The following EVL variants were observed in gnomAD, a reference collection of about 807,000 sequenced individuals.
The protein encoded by EVL is ena/VASP-like protein.
A neutral mutation model predicts 59.6 loss-of-function variants in EVL; 21 were observed. The observed-to-expected ratio is 0.35, with a 90% confidence interval of 0.25 to 0.51. The LOEUF is 0.51. EVL is among the 20% of genes least tolerant of loss of function. The pLI, the probability that EVL is intolerant of heterozygous loss-of-function variation, is 0.97. For missense variants in EVL, 462 were observed against 546.6 expected (o/e 0.85, Z 1.54); for synonymous variants, 198 against 203.5 (o/e 0.97, Z 0.23).
In EVL at chr14:100,128,680, C is replaced by T. The variant is rs1379050405; in HGVS notation, c.649C>T (p.His217Tyr). The change falls in exon 6 of 14, where the codon CAC becomes TAC. Residue 217 changes from histidine to tyrosine, a missense_variant. Coordinates refer to ENST00000392920, the MANE Select transcript of EVL (RefSeq NM_016337.3). ...LPAGGAQGSS[H>Y]DESSMSGLAA... The stretch of plus-strand genomic sequence containing the variant: ...AGCCGGAGGAGCCCAGGGGTCCAGC[C>T]ACGACGAGAGCTCCATGTCAGGACT... 6.2e-7 allele frequency: 1 copy of T among 1,606,532 alleles called. No individual in the cohort carries two copies. The highest frequency in any genetic ancestry group is 8.5e-7 in the Non-Finnish European group (1 of 1,178,198).
At chr14:100,028,307 T>C (rs1417334464) in intron 1 of EVL, among the ~76,000 whole-genome samples, 2 of 152,178 alleles carry the variant, frequency 1.3e-5, no homozygotes, top group African/African-American at 4.8e-5. Context: ...GTTGTGGTTT[T>C]GATTTGCCTT....
chr14:100,103,241 G>T (rs1886345933), intron 3 of EVL, among the ~76,000 whole-genome samples: 1 of 151,258 alleles, frequency 6.6e-6, no homozygotes, highest in African/African-American at 2.4e-5. Flanking sequence ...GAGCACACAG[G>T]GAGCTTTCAG....
At position 100,127,376 on chromosome 14, in the gene EVL, C is replaced by T. The variant is rs2140376867; in HGVS notation, c.487+605C>T. 6.6e-6 allele frequency among the ~76,000 whole-genome samples: 1 copy of T among 152,328 alleles called. No individual in the cohort carries two copies. The highest frequency in any genetic ancestry group is 1.9e-4 in the East Asian group (1 of 5,184). Reference sequence around the variant, plus strand: ...GTCTTGTTTAATTTTCTCAAACACCCTATGAAGTGAGCAGGTGACTATTAT... The same window carrying T: ...GTCTTGTTTAATTTTCTCAAACACCTTATGAAGTGAGCAGGTGACTATTAT... On this transcript the variant is annotated intron_variant, in intron 5 of 13. Transcript: ENST00000392920. The surrounding 1 kb of genome is among the most constrained non-coding windows in gnomAD (Gnocchi z 4.2).
chr14:100,028,821 ATTC>A (rs1296495182), intron 1 of EVL, among the ~76,000 whole-genome samples: 2 of 152,178 alleles, frequency 1.3e-5, no homozygotes, highest in African/African-American at 2.4e-5. Flanking sequence ...AAAAAAATCT[ATTC>A]TTCATTATTA....
At position 100,084,640 on chromosome 14, in the gene EVL, C is replaced by G. The variant is rs79116924; in HGVS notation, c.12-47C>G. On this transcript the variant is annotated intron_variant, in intron 1 of 13. Coordinates refer to ENST00000392920, the MANE Select transcript of EVL (RefSeq NM_016337.3). ...TTTCAGAAAAGGGCAAAGTCAACTT[C>G]CATCCACTGTAGCTGAGGCTGACAC... The G allele has an allele frequency of 7.5e-6, 12 of 1,597,144 alleles. No homozygotes were observed. In the East Asian group the frequency reaches 1.3e-4, roughly 18 times the overall value.
chr14:100,017,810 G>C (rs1432068551), intron 1 of EVL, among the ~76,000 whole-genome samples: 1 of 152,214 alleles, frequency 6.6e-6, no homozygotes, highest in Non-Finnish European at 1.5e-5. Context: ...TGTGTGGTTT[G>C]GGGGACCACA....
At chr14:100,131,314 C>G (rs1453544035) in intron 7 of EVL, among the ~76,000 whole-genome samples, 4 of 152,218 alleles carry the variant, frequency 2.6e-5, no homozygotes, top group African/African-American at 9.7e-5. Context: ...ATGCCAGATG[C>G]CGGTGGGAGA....
chr14:100,128,685 C>G lies in EVL; in HGVS notation c.654C>G (p.Asp218Glu), dbSNP rs779023969. 2 of 1,606,500 alleles carry G rather than the reference C, an allele frequency of 1.2e-6. No homozygotes were observed. The highest frequency in any genetic ancestry group is 1.1e-5 in the South Asian group (1 of 90,330). ...PAGGAQGSSH[D>E]ESSMSGLAAA... ...GAGGAGCCCAGGGGTCCAGCCACGA[C>G]GAGAGCTCCATGTCAGGACTGGCCG... Residue 218 changes from aspartate (D) to glutamate (E), a missense_variant, in exon 6 of 14, where the codon GAC (aspartate) becomes GAG (glutamate). Transcript: ENST00000392920.
rs774740748 is a variant in EVL at position 100,014,696 on chromosome 14, G to A, written c.5+42639G>A. Among the ~76,000 whole-genome samples, 16 of 152,196 alleles carry A rather than the reference G, an allele frequency of 1.1e-4. No homozygotes were observed. In the East Asian group the frequency reaches 2.5e-3, roughly 24 times the overall value. ...TGAACACTTTAGTTTTAGTTTTTGAGTTGTGGGTTTTTTAACTGGCAATTG... is the reference window on the plus strand; with the variant it reads ...TGAACACTTTAGTTTTAGTTTTTGAATTGTGGGTTTTTTAACTGGCAATTG... On this transcript the variant is annotated intron_variant, in intron 1 of 13. Coordinates refer to the EVL transcript ENST00000402714.
In EVL at chr14:100,125,800, C is replaced by T. The variant is rs1013874442; in HGVS notation, c.423-907C>T. Among the ~76,000 whole-genome samples the T allele has an allele frequency of 5.3e-5, 8 of 152,092 alleles. No individual in the cohort carries two copies. In the South Asian group the frequency reaches 8.3e-4, roughly 16 times the overall value. ...CAAACTCCTGGCCTCGTCATCCGCC[C>T]GCCTCACCCTCCCAAAGTGCTGTGA... On this transcript the variant is annotated intron_variant, in intron 4 of 13. Transcript: ENST00000392920.
chr14:100,025,384 C>T (rs2061193095), intron 1 of EVL, among the ~76,000 whole-genome samples: 1 of 152,192 alleles, frequency 6.6e-6, no homozygotes, highest in Non-Finnish European at 1.5e-5. Flanking sequence ...ACAGTCTCTG[C>T]CTGGATTGCT....
At chr14:100,021,123 C>T (rs1430115526) in intron 1 of EVL, among the ~76,000 whole-genome samples, 5 of 152,146 alleles carry the variant, frequency 3.3e-5, no homozygotes, top group East Asian at 1.9e-4. Context: ...GCGTAGTTCA[C>T]GTTTTATTGT....
At position 100,127,435 on chromosome 14, in the gene EVL, G is replaced by C. The variant is rs1888146192; in HGVS notation, c.487+664G>C. On this transcript the variant is annotated intron_variant, in intron 5 of 13. Transcript: ENST00000392920. This position sits in a 1 kb window ranked among gnomAD's most constrained non-coding sequence, Gnocchi z 4.2. Reference sequence around the variant, plus strand: ...CTGATGAGAAACCCGAGCCCCCACTGGTTACAGGAACGCTCTGCTCGTGAG... The same window carrying C: ...CTGATGAGAAACCCGAGCCCCCACTCGTTACAGGAACGCTCTGCTCGTGAG... 6.6e-6 allele frequency among the ~76,000 whole-genome samples: 1 copy of C among 152,292 alleles called. No individual in the cohort carries two copies. The highest frequency in any genetic ancestry group is 2.1e-4 in the South Asian group (1 of 4,828).
intron 1 of EVL, among the ~76,000 whole-genome samples, chr14:100,079,276 C>CT (rs1432721925): frequency 6.6e-6 from 1 of 152,214 alleles, no homozygotes. Context: ...GGCAGTTACA[C>CT]TTTTTCTGAG....
At chr14:99,987,537 G>A (rs2060847246) in intron 1 of EVL, among the ~76,000 whole-genome samples, 2 of 152,216 alleles carry the variant, frequency 1.3e-5, no homozygotes, top group Admixed American at 6.5e-5. Flanking sequence ...AGCTACTTGG[G>A]AGACTGAGGA....
rs1434950481 is a variant in EVL at position 100,143,884 on chromosome 14, C to T, written c.*146C>T. ...TGAAACGTCCTGACCTGTGATCACACATGACAGTGAGGAAACCAAGTGCAA... is the reference window on the plus strand; with the variant it reads ...TGAAACGTCCTGACCTGTGATCACATATGACAGTGAGGAAACCAAGTGCAA... On this transcript the variant is annotated 3_prime_UTR_variant, in exon 14 of 14. Transcript: ENST00000392920. 2.1e-6 allele frequency: 2 copies of T among 936,940 alleles called. No homozygotes were observed. Among genetic ancestry groups the T allele is most frequent in the African/African-American group, 3.3e-5 (2 of 60,664 alleles). 58.0% of individuals were successfully genotyped at this position (936,940 alleles called of 1,614,324 possible).
chr14:100,106,307 C>T (rs1425324222), intron 3 of EVL: 2 of 152,374 alleles, frequency 1.3e-5, no homozygotes, highest in Non-Finnish European at 2.9e-5. Context: ...TTGACTACTG[C>T]ATCCGTCAAA....
chr14:100,100,784 C>CAA lies in EVL; in HGVS notation c.358+3150_358+3151dup, dbSNP rs60820079. 3.4e-3 allele frequency among the ~76,000 whole-genome samples: 158 copies of CAA among 47,066 alleles called. 1 individual carries two copies. Among genetic ancestry groups the CAA allele is most frequent in the South Asian group, 6.2e-3 (8 of 1,298 alleles). The allele number at this position is 47,066 out of a possible 152,430, so 30.9% of individuals were successfully genotyped here. On this transcript the variant is annotated intron_variant, in intron 3 of 13. Coordinates refer to ENST00000392920, the MANE Select transcript of EVL (RefSeq NM_016337.3). ...TGTGTGACAGAGCAAGAGTCTGTCTCAAAAAAAAAAAAAAAAAAAAAAAAA... is the reference window on the plus strand; with the variant it reads ...TGTGTGACAGAGCAAGAGTCTGTCTCAAAAAAAAAAAAAAAAAAAAAAAAAAA...
chr14:99,983,931 A>C (rs1471164408), intron 1 of EVL, among the ~76,000 whole-genome samples: 1 of 152,062 alleles, frequency 6.6e-6, no homozygotes, highest in East Asian at 1.9e-4. Flanking sequence ...AATTTCCCTG[A>C]TCTACTGAAG....
Sources: gnomAD v4.1 joint callset for allele counts (sites outside exome capture counted in the v4.1 genomes callset) on GRCh38, gnomAD v4.1.1 for gene constraint, Gnocchi (gnomAD v3.1) non-coding constraint, MANE v1.5 for transcripts, NCBI Gene and HGNC (gene_info 2026-07-23, HGNC 2026-07-21) for gene names.